MCEE: variants seen among roughly 807,000 people sequenced by gnomAD.
MCEE encodes methylmalonyl-CoA epimerase.
A neutral mutation model predicts 12.9 loss-of-function variants in MCEE; 6 were observed. The ratio of observed to expected loss-of-function variants is 0.47; its 90% CI spans 0.26 to 0.92. The LOEUF is 0.92. MCEE is among the 40% of genes least tolerant of loss of function. The pLI, the probability that MCEE is intolerant of heterozygous loss-of-function variation, is 0.16. For missense variants in MCEE, 214 were observed against 212.1 expected (o/e 1.01, Z -0.05); for synonymous variants, 78 against 77.9 (o/e 1.00, Z -0.01).
At chr2:71,127,664 T>C (rs913404004) in intron 1 of MCEE, among the ~76,000 whole-genome samples, 4 of 152,262 alleles carry the variant, frequency 2.6e-5, no homozygotes, top group African/African-American at 9.6e-5. Flanking sequence ...TCTGGCTCTG[T>C]AGCCCAGGCT....
At chr2:71,129,419 T>G (rs1673315588) in intron 1 of MCEE, among the ~76,000 whole-genome samples, 3 of 151,834 alleles carry the variant, frequency 2.0e-5, no homozygotes, top group Admixed American at 2.0e-4. Flanking sequence ...CTCTGGGGCA[T>G]TACCACTTGG....
chr2:71,129,393 G>A (rs945774797), intron 1 of MCEE, among the ~76,000 whole-genome samples: 9 of 151,948 alleles, frequency 5.9e-5, no homozygotes, highest in East Asian at 1.9e-4. Flanking sequence ...GATTTATCAC[G>A]AATGTCCCGG....
At chr2:71,123,492 C>CAAAAAAAAAA (rs58746349) in intron 2 of MCEE, among the ~76,000 whole-genome samples, 1 of 104,022 alleles carries the variant, frequency 9.6e-6, no homozygotes. Context: ...GACTCCGTCT[C>CAAAAAAAAAA]AAAAAAAAAA....
intron 2 of MCEE, among the ~76,000 whole-genome samples, chr2:71,120,760 T>C (rs11695444): frequency 0.86 from 128,298 of 148,388 alleles, 56,267 homozygotes; most frequent in East Asian, 1. Context: ...TTTCCTGAGA[T>C]GGAGTCTTGC....
intron 2 of MCEE, among the ~76,000 whole-genome samples, chr2:71,112,866 T>C (rs1672918448): frequency 6.6e-6 from 1 of 152,250 alleles, no homozygotes; most frequent in Non-Finnish European, 1.5e-5. Context: ...CTATTTTCTC[T>C]CTCTTCCTTT....
intron 2 of MCEE, among the ~76,000 whole-genome samples, chr2:71,119,422 G>T (rs191752311): frequency 2.0e-5 from 3 of 150,554 alleles, no homozygotes; most frequent in Admixed American, 2.0e-4. Flanking sequence ...ACCTCATGTG[G>T]ACTCATCACT....
intron 2 of MCEE, among the ~76,000 whole-genome samples, chr2:71,122,649 T>C (rs1394490551): frequency 1.3e-5 from 2 of 152,188 alleles, no homozygotes; most frequent in African/African-American, 4.8e-5. Flanking sequence ...ACTTATTCAC[T>C]ATCACAAGAA....
intron 2 of MCEE, among the ~76,000 whole-genome samples, chr2:71,122,090 G>A (rs1673110711): frequency 6.6e-6 from 1 of 152,216 alleles, no homozygotes; most frequent in Admixed American, 6.5e-5. Flanking sequence ...TATGTGTTGA[G>A]TTACTTTGTA....
chr2:71,124,524 T>A lies in MCEE; in HGVS notation c.60A>T (p.Gln20His). 6.2e-7 allele frequency: 1 copy of A among 1,613,960 alleles called. No homozygotes were observed. Among genetic ancestry groups the A allele is most frequent in the Non-Finnish European group, 8.5e-7 (1 of 1,180,030 alleles). Reference sequence around the variant, plus strand: ...AAGCTCTTACTGTTGGAATGGGAGCTTGAAGTCTGGAAAAAAGCCCTGAAA... The same window carrying A: ...AAGCTCTTACTGTTGGAATGGGAGCATGAAGTCTGGAAAAAAGCCCTGAAA... ...ANAVGLFSRL[Q>H]APIPTVRASS... The change falls in exon 2 of 3, where the codon CAA becomes CAT. Residue 20 changes from glutamine (Q) to histidine (H), a missense_variant. By Grantham distance (24) the Gln-to-His change is conservative (BLOSUM62 0). Coordinates refer to ENST00000244217, the MANE Select transcript of MCEE (RefSeq NM_032601.4).
At chr2:71,121,699 G>C (rs1412741989) in intron 2 of MCEE, among the ~76,000 whole-genome samples, 2 of 148,884 alleles carry the variant, frequency 1.3e-5, no homozygotes, top group African/African-American at 4.9e-5. Flanking sequence ...GGGAGAGGGG[G>C]GAGTGGATTC....
rs1673020160 is a variant in MCEE at position 71,117,653 on chromosome 2, A to G, written c.378+6553T>C. ...CTATTGTCTAATCACTCAGAAAATA[A>G]AACTGCTATAATTGCTGCATTTCTC... is the stretch of plus-strand genomic sequence containing the variant. On this transcript the variant is annotated intron_variant, in intron 2 of 2. Coordinates refer to ENST00000244217, the MANE Select transcript of MCEE (RefSeq NM_032601.4). 3 of 150,354 alleles carry G rather than the reference A, an allele frequency of 2.0e-5. No individual in the cohort carries two copies. The South Asian group carries it at 6.2e-4, about 31-fold the overall frequency. 9.3% of individuals were successfully genotyped at this position (150,354 alleles called of 1,614,324 possible).
chr2:71,117,795 C>G (rs537636520), intron 2 of MCEE, among the ~76,000 whole-genome samples: 1 of 150,270 alleles, frequency 6.7e-6, no homozygotes, highest in East Asian at 1.9e-4. Flanking sequence ...CTCTGTCTGC[C>G]ACTGGGAAGC....
chr2:71,122,423 G>T (rs1398697850), intron 2 of MCEE, among the ~76,000 whole-genome samples: 3 of 152,148 alleles, frequency 2.0e-5, no homozygotes. Context: ...GTGTGTATTA[G>T]TCCATTTTCA....
chr2:71,125,589 C>T (rs1673213625), intron 1 of MCEE, among the ~76,000 whole-genome samples: 1 of 152,108 alleles, frequency 6.6e-6, no homozygotes, highest in East Asian at 1.9e-4. Flanking sequence ...GTGATCCACC[C>T]ACCTCGGTCT....
At chr2:71,120,090 A>C (rs1673069113) in intron 2 of MCEE, among the ~76,000 whole-genome samples, 1 of 150,062 alleles carries the variant, frequency 6.7e-6, no homozygotes, top group Admixed American at 6.6e-5. Context: ...GGGTGTCTGA[A>C]GGGTCCCAGA....
intron 1 of MCEE, 63 bp downstream of exon 1, chr2:71,130,117 C>G: frequency 6.5e-7 from 1 of 1,543,200 alleles, no homozygotes; most frequent in Non-Finnish European, 8.8e-7. Flanking sequence ...GCCTCCTCCG[C>G]CCCCGACCGC....
In MCEE at chr2:71,124,404, CT is replaced by C. The variant is rs1558747714; in HGVS notation, c.179del (p.Lys60ArgfsTer14). 1.2e-6 allele frequency: 2 copies of C among 1,614,108 alleles called. No homozygotes were observed. The highest frequency in any genetic ancestry group is 1.6e-4 in the Middle Eastern group (1 of 6,062). The stretch of plus-strand genomic sequence containing the variant: ...GAATATTCTTATAAAATGCTGCAGC[CT>C]TTTCCAAATCTGGCACTGCTATGGC... ...HVAIAVPDLE[K>X]AAAFYKNILG... On this transcript the variant is annotated frameshift_variant, in exon 2 of 3. Transcript: ENST00000244217. LOFTEE classifies it high-confidence loss of function.
At chr2:71,128,708 T>C (rs1474258191) in intron 1 of MCEE, among the ~76,000 whole-genome samples, 9 of 152,008 alleles carry the variant, frequency 5.9e-5, no homozygotes. Context: ...TTTTGTATTT[T>C]TAGTAGAGAC....
chr2:71,121,019 C>A (rs1673091499), intron 2 of MCEE, among the ~76,000 whole-genome samples: 1 of 152,144 alleles, frequency 6.6e-6, no homozygotes, highest in African/African-American at 2.4e-5. Context: ...TAAGCATGAG[C>A]CACCATGCCC....
Sources: gnomAD v4.1 joint callset for allele counts (sites outside exome capture counted in the v4.1 genomes callset) on GRCh38, gnomAD v4.1.1 for gene constraint, MANE v1.5 for transcripts, NCBI Gene and HGNC (gene_info 2026-07-23, HGNC 2026-07-21) for gene names.